RB1CC1: variants seen among roughly 807,000 people sequenced by gnomAD.
RB1CC1 encodes RB1 inducible coiled-coil 1, also known as RB1-inducible coiled-coil protein 1.
Under a neutral mutation model 177.5 loss-of-function variants are expected in RB1CC1, and 46 were observed. The observed-to-expected ratio is 0.26, with a 90% CI of 0.20 to 0.33. The LOEUF is 0.33. Ranked by LOEUF, RB1CC1 falls within the 10% of genes least tolerant of loss-of-function variation. RB1CC1 has a pLI of 1.00. For missense variants in RB1CC1, 1,703 were observed against 1,816.3 expected (o/e 0.94, Z 1.13); for synonymous variants, 666 against 613.6 (o/e 1.09, Z -1.26).
At position 52,628,304 on chromosome 8, in the gene RB1CC1, C is replaced by T. The variant is rs553527975; in HGVS notation, c.4500-136G>A. Reference sequence around the variant, plus strand: ...TATTAAATTTCACATTTACATGATACTCTTTTTGCATTCTGCCCAGGTCCT... The same window carrying T: ...TATTAAATTTCACATTTACATGATATTCTTTTTGCATTCTGCCCAGGTCCT... On this transcript the variant is annotated intron_variant, in intron 21 of 23. Transcript: ENST00000025008. The T allele has an allele frequency of 8.7e-5, 78 of 900,860 alleles. No homozygotes were observed. The African/African-American group carries it at 1.3e-3, about 15-fold the overall frequency. 55.8% of individuals were successfully genotyped at this position (900,860 alleles called of 1,614,324 possible). A position where few individuals can be genotyped will look rare whatever the true frequency, so the allele number is the denominator to read the frequency against.
chr8:52,692,521 T>C (rs1404828429), intron 1 of RB1CC1, among the ~76,000 whole-genome samples: 1 of 152,162 alleles, frequency 6.6e-6, no homozygotes, highest in Non-Finnish European at 1.5e-5. Context: ...AGGTTAAGAA[T>C]TATCCGCATC....
intron 1 of RB1CC1, among the ~76,000 whole-genome samples, chr8:52,710,569 T>C (rs1263790970): frequency 1.3e-5 from 2 of 152,172 alleles, no homozygotes; most frequent in African/African-American, 2.4e-5. Context: ...AACAGAAATC[T>C]TTCTGTATCA....
chr8:52,634,357 T>C (rs1848974669), intron 20 of RB1CC1, among the ~76,000 whole-genome samples: 2 of 152,014 alleles, frequency 1.3e-5, no homozygotes, highest in Non-Finnish European at 2.9e-5. Flanking sequence ...ATCCTGTCTC[T>C]ATTAATTATG....
At chr8:52,630,840 T>C (rs1397093349) in intron 20 of RB1CC1, among the ~76,000 whole-genome samples, 1 of 152,206 alleles carries the variant, frequency 6.6e-6, no homozygotes, top group East Asian at 1.9e-4. Context: ...TCAAAATCTT[T>C]CATTTTGGAA....
chr8:52,624,529 A>C (rs1034663638), intron 23 of RB1CC1, among the ~76,000 whole-genome samples, 188 bp downstream of exon 23: 1 of 151,970 alleles, frequency 6.6e-6, no homozygotes, highest in Non-Finnish European at 1.5e-5. Context: ...TAGTTAATCT[A>C]TCTCTACTAT....
In RB1CC1 at chr8:52,685,388, A is replaced by T; in HGVS notation, c.71+11T>A. The T allele has an allele frequency of 6.4e-7, 1 of 1,568,602 alleles. No homozygotes were observed. The highest frequency in any genetic ancestry group is 8.7e-7 in the Non-Finnish European group (1 of 1,146,322). ...AGAATGCGAAAAAAAAATAAATGAAATACAACTCACGTTTGCACTGTAAGT... is the reference window on the plus strand; with the variant it reads ...AGAATGCGAAAAAAAAATAAATGAATTACAACTCACGTTTGCACTGTAAGT... On this transcript the variant is annotated intron_variant, in intron 3 of 23. Coordinates refer to ENST00000025008, the MANE Select transcript of RB1CC1 (RefSeq NM_014781.5).
At chr8:52,639,919 G>A (rs920808519) in intron 18 of RB1CC1, among the ~76,000 whole-genome samples, 3 of 152,078 alleles carry the variant, frequency 2.0e-5, no homozygotes, top group Admixed American at 6.6e-5. Flanking sequence ...CTTGTATCAT[G>A]TTCTCTGTAA....
At chr8:52,670,876 T>C (rs957392075) in intron 7 of RB1CC1, among the ~76,000 whole-genome samples, 18 of 151,070 alleles carry the variant, frequency 1.2e-4, no homozygotes, top group Non-Finnish European at 2.7e-4. Flanking sequence ...TAGTCCCAGC[T>C]ACCCAGGAGG....
rs898854268 is a variant in RB1CC1 at position 52,657,083 on chromosome 8, C to T, written c.2746G>A (p.Val916Ile). ...LQNKDNEFAL[V>I]KHEKEAVICL... ...ATTACAGCTTCTTTTTCATGTTTAA[C>T]CAAAGCAAATTCATTATCTTTATTT... The change falls in exon 15 of 24, where the codon GTT (valine) becomes ATT (isoleucine). Residue 916 changes from valine (V) to isoleucine (I), a missense_variant. Coordinates refer to ENST00000025008, the MANE Select transcript of RB1CC1 (RefSeq NM_014781.5). 5 of 1,611,312 alleles carry T rather than the reference C, an allele frequency of 3.1e-6. No homozygotes were observed. In the African/African-American group the frequency reaches 6.7e-5, roughly 22 times the overall value.
At position 52,657,581 on chromosome 8, in the gene RB1CC1, G is replaced by C. The variant is rs751606002; in HGVS notation, c.2248C>G (p.Pro750Ala). The C allele has an allele frequency of 8.1e-6, 13 of 1,614,028 alleles. No homozygotes were observed. The highest frequency in any genetic ancestry group is 1.1e-5 in the Non-Finnish European group (13 of 1,180,022). Residue 750 changes from proline to alanine, a missense_variant, in exon 15 of 24, where the codon CCT becomes GCT. By Grantham distance (27) the Pro-to-Ala change is conservative. Transcript: ENST00000025008. ...VIEENLSSPN[P>A]ISDPQSPEMM... ...TCTGGGCTTTGTGGATCACTTATAG[G>C]ATTAGGAGACGACAAATTTTCTTCT...
intron 1 of RB1CC1, among the ~76,000 whole-genome samples, chr8:52,692,973 A>C (rs997531651): frequency 3.3e-5 from 5 of 152,314 alleles, no homozygotes; most frequent in Middle Eastern, 3.4e-3. Context: ...GGTGATCTTC[A>C]CCTACAACCA....
In RB1CC1 at chr8:52,658,994, A is replaced by G. The variant is rs776246176; in HGVS notation, c.1690-18T>C. On this transcript the variant is annotated intron_variant, in intron 12 of 23. Transcript: ENST00000025008. ...TTTTGAGTCTGTACCAAAAAAATTAATTACTTAAAAAATTTTTTTTCAACC... is the reference window on the plus strand; with the variant it reads ...TTTTGAGTCTGTACCAAAAAAATTAGTTACTTAAAAAATTTTTTTTCAACC... 2 of 1,433,196 alleles carry G rather than the reference A, an allele frequency of 1.4e-6. No individual in the cohort carries two copies. Among genetic ancestry groups the G allele is most frequent in the Non-Finnish European group, 1.9e-6 (2 of 1,075,324 alleles). 88.8% of individuals were successfully genotyped at this position (1,433,196 alleles called of 1,614,324 possible).
chr8:52,699,982 C>G (rs1309884199), intron 1 of RB1CC1, among the ~76,000 whole-genome samples: 1 of 151,280 alleles, frequency 6.6e-6, no homozygotes, highest in Admixed American at 6.6e-5. Context: ...TTATAAAAGG[C>G]TACTACAAAG....
intron 21 of RB1CC1, 30 bp downstream of exon 21, chr8:52,630,440 G>T: frequency 6.5e-7 from 1 of 1,532,190 alleles, no homozygotes; most frequent in Non-Finnish European, 8.7e-7. Flanking sequence ...GTTTTTCACA[G>T]AAAAATACTC....
intron 15 of RB1CC1, among the ~76,000 whole-genome samples, chr8:52,647,373 T>C (rs1009487743): frequency 6.6e-6 from 1 of 152,172 alleles, no homozygotes; most frequent in African/African-American, 2.4e-5. Context: ...GGAAGGAATA[T>C]ATATTCCATA....
At chr8:52,647,221 C>A (rs1223647535) in intron 15 of RB1CC1, among the ~76,000 whole-genome samples, 1 of 152,138 alleles carries the variant, frequency 6.6e-6, no homozygotes, top group Non-Finnish European at 1.5e-5. Flanking sequence ...GATAACCTTT[C>A]CTCCAAAGGG....
At position 52,642,565 on chromosome 8, in the gene RB1CC1, G is replaced by A; in HGVS notation, c.4123C>T (p.Arg1375Ter). The stretch of plus-strand genomic sequence containing the variant: ...TTCTTTTCCTCAAGCAAACGAGCTC[G>A]ATCTTCAGAAAGTGACTCTATCAAA... ...KDLIESLSEDRARLLEEKKKL... is the reference protein window; with the variant it reads ...KDLIESLSED Residue 1375 changes from arginine to a stop codon, truncating the protein, a stop_gained, in exon 18 of 24, where the codon CGA becomes TGA. Coordinates refer to ENST00000025008, the MANE Select transcript of RB1CC1 (RefSeq NM_014781.5). LOFTEE classifies it high-confidence loss of function. 2 of 1,613,730 alleles carry A rather than the reference G, an allele frequency of 1.2e-6. No homozygotes were observed. Among genetic ancestry groups the A allele is most frequent in the Non-Finnish European group, 1.7e-6 (2 of 1,179,920 alleles).
At chr8:52,655,825 T>C (rs904044102) in intron 15 of RB1CC1, among the ~76,000 whole-genome samples, 183 bp downstream of exon 15, 3 of 152,162 alleles carry the variant, frequency 2.0e-5, no homozygotes, top group African/African-American at 7.2e-5. Context: ...AAGCCACTCA[T>C]GGATTTAGTC....
At chr8:52,705,285 G>A (rs1343890803) in intron 1 of RB1CC1, among the ~76,000 whole-genome samples, 2 of 152,186 alleles carry the variant, frequency 1.3e-5, no homozygotes, top group Non-Finnish European at 2.9e-5. Context: ...TCAAATTGGG[G>A]AGAAAGGATC....
Sources: gnomAD v4.1 joint callset for allele counts (sites outside exome capture counted in the v4.1 genomes callset) on GRCh38, gnomAD v4.1.1 for gene constraint, MANE v1.5 for transcripts, NCBI Gene and HGNC (gene_info 2026-07-23, HGNC 2026-07-21) for gene names.